The following ST7 variants were observed in gnomAD, a reference collection of about 807,000 sequenced individuals.
The protein encoded by ST7 is suppression of tumorigenicity 7.
Under a neutral mutation model 78.7 loss-of-function variants are expected in ST7, and 28 were observed. The ratio of observed to expected loss-of-function variants is 0.36; its 90% CI spans 0.26 to 0.49. The LOEUF (loss-of-function observed/expected upper bound fraction) is 0.49. Ranked by LOEUF, ST7 falls within the 20% of genes least tolerant of loss-of-function variation. The pLI is 0.99. For synonymous variants in ST7, 247 were observed against 249.6 expected, an observed-to-expected ratio of 0.99 and a Z score of 0.10; for missense variants, 418 against 696.0, an observed-to-expected ratio of 0.60 and a Z score of 4.49.
chr7:116,991,073 C>A (rs535755046), intron 1 of ST7, among the ~76,000 whole-genome samples: 2 of 152,316 alleles, frequency 1.3e-5, no homozygotes, highest in African/African-American at 4.8e-5. Context: ...GTTCTCGTTG[C>A]ATTGGTTTGC....
intron 13 of ST7, among the ~76,000 whole-genome samples, chr7:117,211,455 GAC>G (rs1792284427): frequency 6.6e-6 from 1 of 152,204 alleles, no homozygotes; most frequent in South Asian, 2.1e-4. Flanking sequence ...ATGAGAAAGA[GAC>G]AGAAAAGCCC....
At chr7:117,102,833 C>A (rs1379014766) in intron 2 of ST7, among the ~76,000 whole-genome samples, 1 of 151,888 alleles carries the variant, frequency 6.6e-6, no homozygotes, top group Non-Finnish European at 1.5e-5. Flanking sequence ...TTTAGAAAAA[C>A]CTAAAGACTC....
intron 1 of ST7, among the ~76,000 whole-genome samples, chr7:117,006,588 C>T (rs773953340): frequency 6.6e-6 from 1 of 152,090 alleles, no homozygotes; most frequent in Non-Finnish European, 1.5e-5. Context: ...ATACCTAATT[C>T]CTACCAAACT....
At chr7:116,978,700 C>T (rs1793813630) in intron 1 of ST7, among the ~76,000 whole-genome samples, 1 of 152,152 alleles carries the variant, frequency 6.6e-6, no homozygotes, top group African/African-American at 2.4e-5. Flanking sequence ...GATTCTCGTG[C>T]CTCAGCCTCC....
chr7:117,193,642 G>C (rs1284125031), intron 12 of ST7, among the ~76,000 whole-genome samples: 3 of 152,178 alleles, frequency 2.0e-5, no homozygotes, highest in African/African-American at 7.2e-5. Context: ...TTCAAATGCT[G>C]GCAGGCACAC....
intron 1 of ST7, among the ~76,000 whole-genome samples, chr7:117,088,758 T>C (rs1800351894): frequency 6.6e-6 from 1 of 152,204 alleles, no homozygotes; most frequent in Non-Finnish European, 1.5e-5. Context: ...TGGCTGATGC[T>C]GTGAAGAGCC....
chr7:117,177,068 T>A lies in ST7; in HGVS notation c.1078+6092T>A, dbSNP rs568614832. ...AAAATAATTATCAGCACTGATACTA[T>A]GGCTGTGGCTTCATGCCTGTAAGCA... On this transcript the variant is annotated intron_variant, in intron 10 of 15. Transcript: ENST00000323984. 1.2e-3 allele frequency among the ~76,000 whole-genome samples: 177 copies of A among 152,324 alleles called. 1 individual carries two copies. Among genetic ancestry groups the A allele is most frequent in the African/African-American group, 4.1e-3 (171 of 41,558 alleles).
chr7:116,994,715 T>C (rs1157680577), intron 1 of ST7, among the ~76,000 whole-genome samples: 9 of 152,208 alleles, frequency 5.9e-5, no homozygotes, highest in Non-Finnish European at 7.3e-5. Flanking sequence ...AGGGAATACT[T>C]CGACATTGGA....
Position 117,170,448 on chromosome 7 carries a change from C to T in ST7, c.964-414C>T, listed in dbSNP as rs555004562. Among the ~76,000 whole-genome samples the T allele has an allele frequency of 2.9e-4, 44 of 152,176 alleles. 1 individual carries two copies. In the South Asian group the frequency reaches 7.1e-3, roughly 24 times the overall value. Reference sequence around the variant, plus strand: ...CTGTAATCCCAGCACTTCGGGAGGCCGAGGCGGGCAGATCATGAGGTCAGG... The same window carrying T: ...CTGTAATCCCAGCACTTCGGGAGGCTGAGGCGGGCAGATCATGAGGTCAGG... On this transcript the variant is annotated intron_variant, in intron 9 of 15. Coordinates refer to ENST00000323984, the MANE Select transcript of ST7 (RefSeq NM_001369598.1).
intron 1 of ST7, among the ~76,000 whole-genome samples, chr7:116,988,068 T>C (rs188387491): frequency 2.4e-3 from 360 of 152,358 alleles, no homozygotes; most frequent in Middle Eastern, 0.017. Context: ...CCAGTCCTAA[T>C]ATAATGAATC....
At chr7:117,164,901 G>A (rs1463250674) in intron 9 of ST7, among the ~76,000 whole-genome samples, 1 of 152,054 alleles carries the variant, frequency 6.6e-6, no homozygotes, top group Admixed American at 6.6e-5. Flanking sequence ...AGGGTGTTTG[G>A]ATGATCTCCA....
At chr7:117,141,605 A>G (rs1305400194) in intron 9 of ST7, among the ~76,000 whole-genome samples, 2 of 152,210 alleles carry the variant, frequency 1.3e-5, no homozygotes, top group Admixed American at 1.3e-4. Flanking sequence ...TGCTGAAGGA[A>G]TATTTTGGCA....
chr7:117,081,196 TA>T (rs1459673188), intron 1 of ST7: 2 of 152,156 alleles, frequency 1.3e-5, no homozygotes, highest in Non-Finnish European at 2.9e-5. Flanking sequence ...ATGACTAGAA[TA>T]AAATTTGGAC....
intron 1 of ST7, among the ~76,000 whole-genome samples, chr7:117,003,351 G>A (rs912223682): frequency 2.6e-5 from 4 of 151,736 alleles, no homozygotes; most frequent in Non-Finnish European, 5.9e-5. Flanking sequence ...AGGCTAGAGT[G>A]CAGTGGCCCA....
At chr7:116,963,356 C>G (rs1197642187) in intron 1 of ST7, among the ~76,000 whole-genome samples, 7 of 152,186 alleles carry the variant, frequency 4.6e-5, no homozygotes, top group Admixed American at 2.6e-4. Flanking sequence ...AAGACAGTTG[C>G]TGATGTGTTA....
intron 1 of ST7, chr7:117,072,000 A>G (rs1798994085): frequency 6.6e-6 from 1 of 152,218 alleles, no homozygotes; most frequent in African/African-American, 2.4e-5. Flanking sequence ...ACTCTTCCAC[A>G]GTCTATTTAA....
At chr7:117,096,538 G>A (rs983437679) in intron 1 of ST7, among the ~76,000 whole-genome samples, 5 of 152,270 alleles carry the variant, frequency 3.3e-5, no homozygotes, top group South Asian at 4.1e-4. Context: ...TAATATTCCC[G>A]TGTGTCCCCT....
chr7:117,052,862 G>C (rs912056153), intron 1 of ST7, among the ~76,000 whole-genome samples: 1 of 152,186 alleles, frequency 6.6e-6, no homozygotes, highest in Non-Finnish European at 1.5e-5. Flanking sequence ...CCACTGCACT[G>C]CAGCCTGGGC....
At chr7:117,030,136 T>C (rs1199892754) in intron 1 of ST7, among the ~76,000 whole-genome samples, 1 of 152,188 alleles carries the variant, frequency 6.6e-6, no homozygotes, top group Non-Finnish European at 1.5e-5. Context: ...CAATATTAAG[T>C]TTTGCAATTC....
Sources: allele counts gnomAD v4.1 joint callset (sites outside exome capture counted in the v4.1 genomes callset), GRCh38; gene constraint gnomAD v4.1.1; transcripts MANE v1.5; gene names NCBI Gene and HGNC (gene_info 2026-07-23, HGNC 2026-07-21).